RAB18: variants seen among roughly 807,000 people sequenced by gnomAD.
RAB18 encodes RAB18, member RAS oncogene family.
RAB18 carries 10 observed loss-of-function variants against 28.5 expected under a neutral mutation model. The observed-to-expected ratio is 0.35, with a 90% CI of 0.22 to 0.60. The LOEUF is 0.60. RAB18 is among the 20% of genes least tolerant of loss of function. The pLI is 0.78. For missense variants in RAB18, 188 were observed against 244.2 expected (o/e 0.77, Z 1.53); for synonymous variants, 93 against 86.9 (o/e 1.07, Z -0.39).
chr10:27,538,682 C>G lies in RAB18; in HGVS notation c.*631C>G. Reference sequence around the variant, plus strand: ...ATTTTTAATTTACTTCAATGATTAGCTCAGTTGCTTAACTGGAGTTTTAAT... The same window carrying G: ...ATTTTTAATTTACTTCAATGATTAGGTCAGTTGCTTAACTGGAGTTTTAAT... On this transcript the variant is annotated 3_prime_UTR_variant, in exon 7 of 7. Coordinates refer to ENST00000356940, the MANE Select transcript of RAB18 (RefSeq NM_021252.5). The G allele has an allele frequency of 4.4e-6, 2 of 454,150 alleles. No individual in the cohort carries two copies. Among genetic ancestry groups the G allele is most frequent in the Non-Finnish European group, 8.8e-6 (2 of 226,740 alleles). The allele number at this position is 454,150 out of a possible 1,614,324, so 28.1% of individuals were successfully genotyped here.
Position 27,539,693 on chromosome 10 carries a change from A to G in RAB18, c.*1642A>G, listed in dbSNP as rs1216938820. 3 of 453,156 alleles carry G rather than the reference A, an allele frequency of 6.6e-6. No homozygotes were observed. Among genetic ancestry groups the G allele is most frequent in the Admixed American group, 2.4e-5 (1 of 42,446 alleles). The allele number at this position is 453,156 out of a possible 1,614,324, so 28.1% of individuals were successfully genotyped here. ...CCTTGAGCTATATAATAATCTGTGTATTGGATTGTTGTCTTGATTTGGTCT... is the reference window on the plus strand; with the variant it reads ...CCTTGAGCTATATAATAATCTGTGTGTTGGATTGTTGTCTTGATTTGGTCT... On this transcript the variant is annotated 3_prime_UTR_variant, in exon 7 of 7. Coordinates refer to ENST00000356940, the MANE Select transcript of RAB18 (RefSeq NM_021252.5).
At chr10:27,534,063 G>T in intron 6 of RAB18, 69 bp downstream of exon 6, 2 of 1,416,292 alleles carry the variant, frequency 1.4e-6, no homozygotes, top group South Asian at 2.3e-5. Context: ...TTTTTGCCAA[G>T]TTTATTTCTT....
At chr10:27,531,482 A>G in intron 3 of RAB18, 1 of 1,531,708 alleles carries the variant, frequency 6.5e-7, no homozygotes, top group Non-Finnish European at 8.8e-7. Flanking sequence ...TGGGACTGGT[A>G]GCTAAGTTGA....
chr10:27,535,906 A>AC (rs1432482849), intron 6 of RAB18, among the ~76,000 whole-genome samples: 2 of 151,998 alleles, frequency 1.3e-5, no homozygotes, highest in Non-Finnish European at 1.5e-5. Flanking sequence ...ACACGGTGAA[A>AC]CCCCGTCTCT....
At position 27,533,873 on chromosome 10, in the gene RAB18, G is replaced by A; in HGVS notation, c.378+20G>A. 6.2e-7 allele frequency: 1 copy of A among 1,610,078 alleles called. No individual in the cohort carries two copies. On this transcript the variant is annotated intron_variant, in intron 5 of 6. Coordinates refer to ENST00000356940, the MANE Select transcript of RAB18 (RefSeq NM_021252.5). ...GATAAGGTAAGAAGGCAGACACTTG[G>A]CATTTTGGTTCTATATTTTGGTAGC...
rs1834843120 is a variant in RAB18 at position 27,533,976 on chromosome 10, C to T, written c.427C>T (p.His143Tyr). Residue 143 changes from histidine (H) to tyrosine (Y), a missense_variant, in exon 6 of 7, where the codon CAT (histidine) becomes TAT (tyrosine). His to Tyr is a moderately conservative substitution (Grantham distance 83). Coordinates refer to ENST00000356940, the MANE Select transcript of RAB18 (RefSeq NM_021252.5). ...RNEGLKFARK[H>Y]SMLFIEASAK... ...TGAAGGCCTGAAATTTGCACGAAAG[C>T]ATTCCATGTTATTTATAGGTAGGTG... is the stretch of plus-strand genomic sequence containing the variant. 6.2e-7 allele frequency: 1 copy of T among 1,601,912 alleles called. No individual in the cohort carries two copies. Among genetic ancestry groups the T allele is most frequent in the Non-Finnish European group, 8.6e-7 (1 of 1,169,022 alleles).
At chr10:27,505,796 G>C (rs1444091653) in intron 1 of RAB18, among the ~76,000 whole-genome samples, 1 of 152,110 alleles carries the variant, frequency 6.6e-6, no homozygotes, top group Non-Finnish European at 1.5e-5. Flanking sequence ...TTGACCTCGT[G>C]ACCCGCCCAC....
Position 27,508,948 on chromosome 10 carries a change from T to C in RAB18, c.69-927T>C, listed in dbSNP as rs533967608. Among the ~76,000 whole-genome samples the C allele has an allele frequency of 2.9e-4, 44 of 152,284 alleles. No homozygotes were observed. The South Asian group carries it at 8.1e-3, about 28-fold the overall frequency. ...CTTCAGAAGTTAACATGAGGGAAGA[T>C]TGAATGACTTTAAAATCAAGGGCTT... On this transcript the variant is annotated intron_variant, in intron 1 of 6. Coordinates refer to ENST00000356940, the MANE Select transcript of RAB18 (RefSeq NM_021252.5).
chr10:27,512,642 A>C (rs559853968), intron 2 of RAB18, among the ~76,000 whole-genome samples: 5 of 152,320 alleles, frequency 3.3e-5, no homozygotes, highest in Non-Finnish European at 4.4e-5. Context: ...ATTACTTAGT[A>C]GTAAAACCTT....
intron 1 of RAB18, among the ~76,000 whole-genome samples, chr10:27,507,556 T>TG (rs991669155): frequency 2.6e-5 from 4 of 151,950 alleles, no homozygotes; most frequent in East Asian, 3.9e-4. Flanking sequence ...CTTTTTTTTT[T>TG]TTTTTTGGTG....
chr10:27,514,290 A>G lies in RAB18; in HGVS notation c.124+4360A>G, dbSNP rs137965821. 7 of 152,362 alleles carry G rather than the reference A, an allele frequency of 4.6e-5. 1 individual carries two copies. Among genetic ancestry groups the G allele is most frequent in the Non-Finnish European group, 7.3e-5 (5 of 68,030 alleles). The allele number at this position is 152,362 out of a possible 1,614,324, so 9.4% of individuals were successfully genotyped here. ...GTAACCTAAAATATTGCCATAAAGA[A>G]GATGAATATTGTGATCAAACATTTT... On this transcript the variant is annotated intron_variant, in intron 2 of 6. Coordinates refer to ENST00000356940, the MANE Select transcript of RAB18 (RefSeq NM_021252.5).
At position 27,505,141 on chromosome 10, in the gene RAB18, T is replaced by A. The variant is rs760527235; in HGVS notation, c.68+704T>A. ...GAAGATTAGTGTTGTGCTTTCATTTTTTACTTTTTCCTTGGGGAAAATAAT... is the reference window on the plus strand; with the variant it reads ...GAAGATTAGTGTTGTGCTTTCATTTATTACTTTTTCCTTGGGGAAAATAAT... On this transcript the variant is annotated intron_variant, in intron 1 of 6. Coordinates refer to ENST00000356940, the MANE Select transcript of RAB18 (RefSeq NM_021252.5). The A allele has an allele frequency of 1.5e-5, 8 of 533,002 alleles. No individual in the cohort carries two copies. In the Admixed American group the frequency reaches 1.6e-4, roughly 10 times the overall value. 33.0% of individuals were successfully genotyped at this position (533,002 alleles called of 1,614,324 possible). A position where few individuals can be genotyped will look rare whatever the true frequency, so the allele number is the denominator to read the frequency against.
chr10:27,542,184 C>G lies in RAB18; in HGVS notation c.*4133C>G, dbSNP rs1010251740. The G allele has an allele frequency of 4.4e-6, 2 of 454,108 alleles. No individual in the cohort carries two copies. Among genetic ancestry groups the G allele is most frequent in the South Asian group, 3.1e-5 (2 of 64,478 alleles). 28.1% of individuals were successfully genotyped at this position (454,108 alleles called of 1,614,324 possible). A position where few individuals can be genotyped will look rare whatever the true frequency, so the allele number is the denominator to read the frequency against. The stretch of plus-strand genomic sequence containing the variant: ...GATCAAATTGGACCTGAATTGAGAT[C>G]TATTTCTCAGCTTTCACTTATGTGA... On this transcript the variant is annotated 3_prime_UTR_variant, in exon 7 of 7. Coordinates refer to ENST00000356940, the MANE Select transcript of RAB18 (RefSeq NM_021252.5).
intron 1 of RAB18, chr10:27,504,807 G>A: frequency 2.0e-6 from 1 of 499,392 alleles, no homozygotes; most frequent in South Asian, 1.6e-5. Context: ...ACCTCTCGGG[G>A]TTCAGGCTGC....
At position 27,542,136 on chromosome 10, in the gene RAB18, AT is replaced by A. The variant is rs770969502; in HGVS notation, c.*4087del. 4 of 454,098 alleles carry A rather than the reference AT, an allele frequency of 8.8e-6. No individual in the cohort carries two copies. Among genetic ancestry groups the A allele is most frequent in the South Asian group, 6.2e-5 (4 of 64,480 alleles). 28.1% of individuals were successfully genotyped at this position (454,098 alleles called of 1,614,324 possible). On this transcript the variant is annotated 3_prime_UTR_variant, in exon 7 of 7. Coordinates refer to ENST00000356940, the MANE Select transcript of RAB18 (RefSeq NM_021252.5). ...GCAGTACCAGGGTGAGAGGGAGTCTATTGGAGCCCTTGGGAACTTCTGGATC... is the reference window on the plus strand; with the variant it reads ...GCAGTACCAGGGTGAGAGGGAGTCTATGGAGCCCTTGGGAACTTCTGGATC...
At position 27,538,602 on chromosome 10, in the gene RAB18, C is replaced by T. The variant is rs1834950718; in HGVS notation, c.*551C>T. ...CCCAGGCCAATTTATAACTAAATCT[C>T]TATTTGTTCGGATGATGCTTCTAAA... On this transcript the variant is annotated 3_prime_UTR_variant, in exon 7 of 7. Coordinates refer to ENST00000356940, the MANE Select transcript of RAB18 (RefSeq NM_021252.5). 1 of 454,384 alleles carries T rather than the reference C, an allele frequency of 2.2e-6. No homozygotes were observed. Among genetic ancestry groups the T allele is most frequent in the Non-Finnish European group, 4.4e-6 (1 of 226,750 alleles). 28.1% of individuals were successfully genotyped at this position (454,384 alleles called of 1,614,324 possible). A position where few individuals can be genotyped will look rare whatever the true frequency, so the allele number is the denominator to read the frequency against.
chr10:27,529,542 G>A (rs1419460746), intron 3 of RAB18, among the ~76,000 whole-genome samples: 1 of 151,634 alleles, frequency 6.6e-6, no homozygotes, highest in Non-Finnish European at 1.5e-5. Context: ...CTTTTCCTAT[G>A]TCCTTGCTTC....
intron 6 of RAB18, among the ~76,000 whole-genome samples, chr10:27,534,506 T>A (rs960024897): frequency 1.3e-5 from 2 of 152,240 alleles, no homozygotes; most frequent in Non-Finnish European, 2.9e-5. Flanking sequence ...CATGTCCATG[T>A]GTTTACATGT....
In RAB18 at chr10:27,527,773, G is replaced by A. The variant is rs559892072; in HGVS notation, c.186+884G>A. Among the ~76,000 whole-genome samples, 12 of 152,140 alleles carry A rather than the reference G, an allele frequency of 7.9e-5. 1 individual carries two copies. In the South Asian group the frequency reaches 2.3e-3, roughly 29 times the overall value. ...GTACATCAGTCACAGATTGAAAACA[G>A]CAAGTGTTCATGCATTGTATGATGT... On this transcript the variant is annotated intron_variant, in intron 3 of 6. Transcript: ENST00000356940.
Sources: gnomAD v4.1 joint callset for allele counts (sites outside exome capture counted in the v4.1 genomes callset) on GRCh38, gnomAD v4.1.1 for gene constraint, MANE v1.5 for transcripts, NCBI Gene and HGNC (gene_info 2026-07-23, HGNC 2026-07-21) for gene names.